Variants in TARS1 observed in about 807,000 individuals in gnomAD.
TARS1 encodes threonine--tRNA ligase 1, cytoplasmic.
Under a neutral mutation model 97.7 loss-of-function variants are expected in TARS1, and 57 were observed. The observed-to-expected ratio is 0.58, with a 90% CI of 0.47 to 0.73. The LOEUF is 0.73. Ranked by LOEUF, TARS1 falls within the 30% of genes least tolerant of loss-of-function variation. TARS1 has a pLI of 0.00. For missense variants in TARS1, 806 were observed against 888.3 expected (o/e 0.91, Z 1.18); for synonymous variants, 312 against 293.7 (o/e 1.06, Z -0.64).
intron 10 of TARS1, 64 bp downstream of exon 10, chr5:33,458,728 T>C (rs3765146): frequency 0.38 from 474,230 of 1,259,190 alleles, 92,229 homozygotes; most frequent in East Asian, 0.52. Flanking sequence ...TTAAATAAGG[T>C]CTACTAAAAG....
intron 2 of TARS1, 40 bp downstream of exon 2, chr5:33,445,444 T>A (rs752744072): frequency 6.3e-7 from 1 of 1,581,284 alleles, no homozygotes. Flanking sequence ...TATCAGAGGT[T>A]GGCAAATCGC....
At chr5:33,446,666 C>A in intron 2 of TARS1, 1 of 1,289,144 alleles carries the variant, frequency 7.8e-7, no homozygotes, top group South Asian at 1.2e-5. Flanking sequence ...AGGGTATCTG[C>A]TGAATGAATG....
intron 2 of TARS1, chr5:33,446,255 G>A (rs1741407963): frequency 4.4e-6 from 1 of 226,702 alleles, no homozygotes; most frequent in African/African-American, 2.3e-5. Flanking sequence ...GTGTAGTGTT[G>A]CTTAGAACCC....
In TARS1 at chr5:33,461,199, G is replaced by A. The variant is rs1271740382; in HGVS notation, c.1455G>A (p.Thr485=). The change falls in exon 13 of 19, where the codon ACG becomes ACA. Residue 485 remains threonine, a synonymous_variant. Coordinates refer to ENST00000265112, the MANE Select transcript of TARS1 (RefSeq NM_152295.5). ...EIKGCLDFLR[T]VYSVFGFSFK... ...AAGGTTGTTTGGATTTTCTACGTAC[G>A]GTATATAGCGTATTTGGATTTTCTT... 27 of 1,612,892 alleles carry A rather than the reference G, an allele frequency of 1.7e-5. No homozygotes were observed. The highest frequency in any genetic ancestry group is 8.0e-5 in the African/African-American group (6 of 74,834).
At chr5:33,457,510 T>C in intron 9 of TARS1, 107 bp downstream of exon 9, 1 of 1,304,664 alleles carries the variant, frequency 7.7e-7, no homozygotes, top group African/African-American at 1.5e-5. Context: ...GAAGAGATGT[T>C]GTGGCTTTTT....
At chr5:33,467,350 C>T (rs190745007) in intron 18 of TARS1, among the ~76,000 whole-genome samples, 14 of 152,168 alleles carry the variant, frequency 9.2e-5, no homozygotes, top group South Asian at 6.2e-4. Flanking sequence ...TTGGTTGTTA[C>T]GTTGTCTAGA....
rs1167886674 is a variant in TARS1 at position 33,455,678 on chromosome 5, A to G, written c.667A>G (p.Lys223Glu). ...AGCTTTTGAAAGACTGGAAGTTAAG[A>G]AAGAAACTTTACTGGCAATGTTTAA... ...KQAFERLEVKKETLLAMFKYN... is the reference protein window; with the variant it reads ...KQAFERLEVKEETLLAMFKYN... The change falls in exon 6 of 19, where the codon AAA becomes GAA. Residue 223 changes from lysine to glutamate, a missense_variant. Physicochemically the swap from Lys to Glu is moderately conservative, Grantham distance 56. This residue lies in a region of TARS1 where 356 missense variants were observed against 357.8 expected (regional missense o/e 0.99). Coordinates refer to ENST00000265112, the MANE Select transcript of TARS1 (RefSeq NM_152295.5). The G allele has an allele frequency of 6.2e-7, 1 of 1,610,636 alleles. No individual in the cohort carries two copies. Among genetic ancestry groups the G allele is most frequent in the Non-Finnish European group, 8.5e-7 (1 of 1,177,210 alleles).
intron 17 of TARS1, among the ~76,000 whole-genome samples, chr5:33,465,531 C>T (rs1742492429): frequency 6.6e-6 from 1 of 152,158 alleles, no homozygotes; most frequent in South Asian, 2.1e-4. Context: ...AAACTGATGC[C>T]TTATTCTTTA....
intron 9 of TARS1, among the ~76,000 whole-genome samples, chr5:33,457,995 C>G (rs193008645): frequency 6.6e-6 from 1 of 152,158 alleles, no homozygotes; most frequent in Non-Finnish European, 1.5e-5. Flanking sequence ...ACCTGACATT[C>G]CAGCTATGAG....
rs371779976 is a variant in TARS1, at chr5:33,453,425, T to A, written c.453+13T>A. On this transcript the variant is annotated intron_variant, in intron 4 of 18. Coordinates refer to ENST00000265112, the MANE Select transcript of TARS1 (RefSeq NM_152295.5). The stretch of plus-strand genomic sequence containing the variant: ...GGAAGCTCAGGCAGTAAGTTGCTGA[T>A]TAGTATTCATTGAATTTTAGGATGC... 1 of 1,613,178 alleles carries A rather than the reference T, an allele frequency of 6.2e-7. No homozygotes were observed. The highest frequency in any genetic ancestry group is 8.5e-7 in the Non-Finnish European group (1 of 1,179,840).
intron 17 of TARS1, among the ~76,000 whole-genome samples, chr5:33,464,788 C>A (rs1742454653): frequency 6.6e-6 from 1 of 151,902 alleles, no homozygotes; most frequent in South Asian, 2.1e-4. Flanking sequence ...TAAAAAAAAA[C>A]TGAAGTGGGC....
Position 33,462,180 on chromosome 5 carries a change from C to A in TARS1, c.1812C>A (p.Leu604=), listed in dbSNP as rs1014190590. Residue 604 remains leucine (L), a synonymous_variant, in exon 16 of 19, where the codon CTC becomes CTA. Coordinates refer to ENST00000265112, the MANE Select transcript of TARS1 (RefSeq NM_152295.5). ...CAGTGGAAAGAATGATTGCTATCCT[C>A]ACAGAAAACTATGGGGGCAAATGGT... The part of the protein sequence containing the change: ...LGSVERMIAI[L]TENYGGKWPF... The A allele has an allele frequency of 7.4e-6, 12 of 1,612,378 alleles. No homozygotes were observed. The highest frequency in any genetic ancestry group is 5.3e-5 in the African/African-American group (4 of 74,834).
intron 17 of TARS1, among the ~76,000 whole-genome samples, chr5:33,465,040 TG>T (rs1476555843): frequency 6.6e-6 from 1 of 152,042 alleles, no homozygotes; most frequent in Non-Finnish European, 1.5e-5. Context: ...CACTCCAGCC[TG>T]GGTGACAGAG....
intron 2 of TARS1, chr5:33,446,573 T>C (rs1177877920): frequency 1.5e-6 from 1 of 662,670 alleles, no homozygotes; most frequent in Admixed American, 2.3e-5. Context: ...GAGTGTACAG[T>C]GAACTGTCCA....
At chr5:33,440,799 G>C (rs1314080107), upstream of TARS1, 1 of 533,834 alleles carries the variant, frequency 1.9e-6, no homozygotes, top group Non-Finnish European at 3.3e-6. Flanking sequence ...TAGGCATGTA[G>C]CTTCTGCAGT....
At chr5:33,443,320 C>CCTCCCTCTCTCT (rs1741221675) in intron 1 of TARS1, among the ~76,000 whole-genome samples, 1 of 118,486 alleles carries the variant, frequency 8.4e-6, no homozygotes, top group Non-Finnish European at 1.7e-5. Flanking sequence ...TCTCTCTCTC[C>CCTCCCTCTCTCT]CTCTCTCTCT....
Position 33,467,565 on chromosome 5 carries a change from G to C in TARS1, c.2029G>C (p.Gly677Arg), listed in dbSNP as rs1742590423. Residue 677 changes from glycine to arginine, a missense_variant, in exon 19 of 19, where the codon GGT becomes CGT. Coordinates refer to ENST00000265112, the MANE Select transcript of TARS1 (RefSeq NM_152295.5). ...GCTTTGTGTGTTTGTTTTAGTTGTT[G>C]GTGAAAAAGAGAAAATCAGTGGCAC... The part of the protein sequence containing the change: ...LAQYNFILVV[G>R]EKEKISGTVN... The C allele has an allele frequency of 6.2e-7, 1 of 1,609,188 alleles. No individual in the cohort carries two copies. The highest frequency in any genetic ancestry group is 1.7e-5 in the Admixed American group (1 of 58,902).
intron 9 of TARS1, among the ~76,000 whole-genome samples, chr5:33,458,051 A>G (rs1463942394): frequency 6.6e-6 from 1 of 152,138 alleles, no homozygotes; most frequent in Non-Finnish European, 1.5e-5. Flanking sequence ...GCTTTTGGGC[A>G]CTTGGGGAGG....
chr5:33,456,141 A>G lies in TARS1; in HGVS notation c.759-8A>G, dbSNP rs191567567. Reference sequence around the variant, plus strand: ...TCTTTGTTAAAATTCCTTTCATTTTATCTTTAGATGTGGCCCTTTGATAGA... The same window carrying G: ...TCTTTGTTAAAATTCCTTTCATTTTGTCTTTAGATGTGGCCCTTTGATAGA... On this transcript the variant is annotated splice_region_variant and splice_polypyrimidine_tract_variant and intron_variant, in intron 7 of 18. Coordinates refer to ENST00000265112, the MANE Select transcript of TARS1 (RefSeq NM_152295.5). The G allele has an allele frequency of 7.4e-6, 12 of 1,613,950 alleles. 1 individual carries two copies. In the African/African-American group the frequency reaches 1.1e-4, roughly 14 times the overall value.
Sources: allele counts gnomAD v4.1 joint callset (sites outside exome capture counted in the v4.1 genomes callset), GRCh38; gene constraint gnomAD v4.1.1; regional missense constraint gnomAD v4.1.1; transcripts MANE v1.5; gene names NCBI Gene and HGNC (gene_info 2026-07-23, HGNC 2026-07-21).